TAOK3: variants seen among roughly 807,000 people sequenced by gnomAD.
TAOK3 encodes serine/threonine-protein kinase TAO3.
A neutral mutation model predicts 120.4 loss-of-function variants in TAOK3; 40 were observed. The observed-to-expected ratio is 0.33, with a 90% CI of 0.26 to 0.43. The LOEUF is 0.43. TAOK3 is among the 20% of genes least tolerant of loss of function. TAOK3 has a pLI of 1.00. For synonymous variants in TAOK3, 355 were observed against 387.5 expected, an observed-to-expected ratio of 0.92 and a Z score of 0.99; for missense variants, 821 against 1,112.1, an observed-to-expected ratio of 0.74 and a Z score of 3.72.
chr12:118,294,421 T>G (rs566886948), intron 1 of TAOK3, among the ~76,000 whole-genome samples: 279 of 152,152 alleles, frequency 1.8e-3, no homozygotes, highest in Middle Eastern at 6.8e-3. Flanking sequence ...TCTCGCTCTG[T>G]GGCCCAGACT....
chr12:118,177,388 T>C (rs1435741244), intron 15 of TAOK3, 59 bp from the exon 16 acceptor site: 62 of 1,529,038 alleles, frequency 4.1e-5, no homozygotes, highest in Non-Finnish European at 5.5e-5. Flanking sequence ...AATTCAGTGA[T>C]CTATATTCTC....
At chr12:118,163,455 G>A (rs1157244131) in intron 17 of TAOK3, among the ~76,000 whole-genome samples, 3 of 148,400 alleles carry the variant, frequency 2.0e-5, no homozygotes, top group Non-Finnish European at 4.5e-5. Flanking sequence ...TTTTGGGGGG[G>A]GTGGGGGTAG....
rs534041435 is a variant in TAOK3, at chr12:118,212,328, T to C, written c.819+586A>G. On this transcript the variant is annotated intron_variant, in intron 11 of 20. Coordinates refer to ENST00000392533, the MANE Select transcript of TAOK3 (RefSeq NM_016281.4). Reference sequence around the variant, plus strand: ...AAAAGATTTCCACATACTACACTGATATTGATGCAACACACTGCCTATGTA... The same window carrying C: ...AAAAGATTTCCACATACTACACTGACATTGATGCAACACACTGCCTATGTA... 3.9e-5 allele frequency among the ~76,000 whole-genome samples: 6 copies of C among 152,360 alleles called. No individual in the cohort carries two copies. In the East Asian group the frequency reaches 9.6e-4, roughly 24 times the overall value.
At chr12:118,314,378 C>A (rs879019516) in intron 1 of TAOK3, among the ~76,000 whole-genome samples, 1 of 151,958 alleles carries the variant, frequency 6.6e-6, no homozygotes, top group Non-Finnish European at 1.5e-5. Context: ...TTATGCAAAT[C>A]AAAAAATATT....
chr12:118,351,730 T>A (rs1342375695), intron 1 of TAOK3, among the ~76,000 whole-genome samples: 1 of 152,072 alleles, frequency 6.6e-6, no homozygotes, highest in Non-Finnish European at 1.5e-5. Context: ...CCTAATAGTT[T>A]TTGCAGGGCA....
chr12:118,346,992 C>T (rs910020228), intron 1 of TAOK3, among the ~76,000 whole-genome samples: 3 of 152,046 alleles, frequency 2.0e-5, no homozygotes, highest in South Asian at 2.1e-4. Context: ...CACTTCTGTC[C>T]AACAATAGGC....
intron 9 of TAOK3, among the ~76,000 whole-genome samples, chr12:118,219,195 T>G (rs1328815503): frequency 6.6e-6 from 1 of 152,130 alleles, no homozygotes; most frequent in East Asian, 1.9e-4. Flanking sequence ...CAAATGCTGT[T>G]TTCTTGGTCT....
chr12:118,217,781 G>T (rs1162126998), intron 9 of TAOK3, among the ~76,000 whole-genome samples: 9 of 105,760 alleles, frequency 8.5e-5, no homozygotes, highest in Non-Finnish European at 1.6e-4. Flanking sequence ...ATGTATATAT[G>T]TATATGTATG....
intron 3 of TAOK3, chr12:118,246,108 G>T (rs181887422): frequency 1.1e-5 from 15 of 1,327,996 alleles, no homozygotes; most frequent in South Asian, 2.7e-5. Context: ...CGGTGCAGCG[G>T]GGGGGCACGG....
chr12:118,182,013 C>T (rs142308411), intron 14 of TAOK3, among the ~76,000 whole-genome samples: 12 of 151,942 alleles, frequency 7.9e-5, no homozygotes, highest in African/African-American at 1.5e-4. Context: ...GGTAAAACCC[C>T]GTCTCTACTA....
At chr12:118,241,565 T>G (rs189035979) in intron 5 of TAOK3, among the ~76,000 whole-genome samples, 2 of 152,314 alleles carry the variant, frequency 1.3e-5, no homozygotes, top group Admixed American at 6.5e-5. Context: ...TCCCCTATTA[T>G]TCTATAACAC....
chr12:118,289,855 C>T (rs1474615623), intron 1 of TAOK3, among the ~76,000 whole-genome samples: 26 of 151,834 alleles, frequency 1.7e-4, no homozygotes, highest in Admixed American at 1.6e-3. Flanking sequence ...ATTAGCTGGG[C>T]GTGGTGGTGG....
chr12:118,269,129 T>G (rs1335761322), intron 1 of TAOK3, among the ~76,000 whole-genome samples: 2 of 151,868 alleles, frequency 1.3e-5, no homozygotes, highest in African/African-American at 4.8e-5. Context: ...TTCTCTTTCT[T>G]TCTTTCTTCT....
chr12:118,252,968 C>T (rs994628398), intron 3 of TAOK3, among the ~76,000 whole-genome samples: 6 of 152,080 alleles, frequency 3.9e-5, no homozygotes, highest in East Asian at 3.9e-4. Flanking sequence ...CCTCGTGATC[C>T]GCCTGCCTCA....
At chr12:118,324,404 T>A (rs535411141) in intron 1 of TAOK3, among the ~76,000 whole-genome samples, 23 of 152,338 alleles carry the variant, frequency 1.5e-4, no homozygotes, top group Admixed American at 1.1e-3. Context: ...CACTCTCTTT[T>A]AATTATTTTA....
At chr12:118,207,477 T>C (rs892769889) in intron 11 of TAOK3, among the ~76,000 whole-genome samples, 2 of 152,210 alleles carry the variant, frequency 1.3e-5, no homozygotes, top group Admixed American at 6.5e-5. Context: ...TACATGGGAA[T>C]CTGATTATAC....
At chr12:118,354,246 C>T (rs2045300157) in intron 1 of TAOK3, among the ~76,000 whole-genome samples, 1 of 152,118 alleles carries the variant, frequency 6.6e-6, no homozygotes, top group South Asian at 2.1e-4. Flanking sequence ...TACTCTTGCA[C>T]TTTGGGGATG....
At chr12:118,201,989 C>T (rs1028946393) in intron 11 of TAOK3, among the ~76,000 whole-genome samples, 1 of 151,946 alleles carries the variant, frequency 6.6e-6, no homozygotes, top group African/African-American at 2.4e-5. Context: ...AACCACCTTT[C>T]ATTTTGTGTT....
intron 9 of TAOK3, among the ~76,000 whole-genome samples, chr12:118,229,509 T>C (rs1294358881): frequency 1.3e-5 from 2 of 152,246 alleles, no homozygotes; most frequent in African/African-American, 2.4e-5. Context: ...TAGCTTGTCT[T>C]TTAATGTTTG....
Sources: allele counts gnomAD v4.1 joint callset (sites outside exome capture counted in the v4.1 genomes callset), GRCh38; gene constraint gnomAD v4.1.1; transcripts MANE v1.5; gene names NCBI Gene and HGNC (gene_info 2026-07-23, HGNC 2026-07-21).